The following KIAA1671 variants were observed in gnomAD, a reference collection of about 807,000 sequenced individuals.
The protein encoded by KIAA1671 is KIAA1671, also known as uncharacterized protein KIAA1671.
KIAA1671 carries 52 observed loss-of-function variants against 131.2 expected under a neutral mutation model. The observed-to-expected ratio is 0.40, with a 90% CI of 0.32 to 0.50. KIAA1671 has a LOEUF of 0.50. Among genes scored for constraint, KIAA1671 ranks in the 20% least tolerant of loss-of-function variants. The probability of loss-of-function intolerance (pLI) is 0.73; values close to 1 mark genes in which losing one functional copy is unlikely to be tolerated. For missense variants in KIAA1671, 2,360 were observed against 2,364.2 expected (o/e 1.00, Z 0.04); for synonymous variants, 1,003 against 961.6 (o/e 1.04, Z -0.80).
chr22:24,955,272 T>C (rs1921634073), intron 1 of KIAA1671, among the ~76,000 whole-genome samples: 2 of 152,206 alleles, frequency 1.3e-5, no homozygotes, highest in South Asian at 4.1e-4. Flanking sequence ...AGACACTGTG[T>C]CAAAGATGAG....
chr22:25,021,519 G>A (rs1343720773), intron 1 of KIAA1671, among the ~76,000 whole-genome samples: 1 of 149,156 alleles, frequency 6.7e-6, no homozygotes, highest in Non-Finnish European at 1.5e-5. Flanking sequence ...CCATTCCATG[G>A]GAACAGGGTT....
At chr22:25,070,481 C>T in intron 6 of KIAA1671, 1 of 422,828 alleles carries the variant, frequency 2.4e-6, no homozygotes, top group Non-Finnish European at 4.4e-6. Context: ...CCTCCTGCTT[C>T]CTGTCAACTT....
intron 4 of KIAA1671, among the ~76,000 whole-genome samples, chr22:25,037,599 A>G (rs1027228883): frequency 5.3e-5 from 8 of 152,134 alleles, no homozygotes; most frequent in South Asian, 2.1e-4. Context: ...CATCACCACT[A>G]TCTAGTTCCA....
intron 11 of KIAA1671, among the ~76,000 whole-genome samples, chr22:25,187,471 G>C (rs1036087845): frequency 7.4e-6 from 1 of 135,086 alleles, no homozygotes; most frequent in Non-Finnish European, 1.7e-5. Context: ...CTTCATAAAC[G>C]TGATTTTTTT....
intron 1 of KIAA1671, among the ~76,000 whole-genome samples, chr22:24,976,361 A>G (rs980613797): frequency 6.6e-6 from 1 of 152,250 alleles, no homozygotes; most frequent in Non-Finnish European, 1.5e-5. Context: ...AAGGTCATTC[A>G]GCCAGCCAGG....
chr22:25,062,944 C>A (rs912552953), intron 6 of KIAA1671: 1 of 151,808 alleles, frequency 6.6e-6, no homozygotes, highest in Non-Finnish European at 1.5e-5. Flanking sequence ...TCAGAGATGC[C>A]TTTTTTTGGG....
chr22:25,133,847 C>T (rs1359511922), intron 6 of KIAA1671, among the ~76,000 whole-genome samples: 2 of 152,160 alleles, frequency 1.3e-5, no homozygotes, highest in South Asian at 4.1e-4. Context: ...CGCATCCTGC[C>T]CCTCCTTGAT....
intron 1 of KIAA1671, among the ~76,000 whole-genome samples, chr22:25,007,848 C>T (rs1924832064): frequency 1.3e-5 from 2 of 151,954 alleles, no homozygotes; most frequent in Admixed American, 1.3e-4. Context: ...ATGGGGTAGC[C>T]CTGCTCTGCA....
intron 1 of KIAA1671, among the ~76,000 whole-genome samples, chr22:25,002,876 A>G (rs1186193049): frequency 6.6e-6 from 1 of 151,528 alleles, no homozygotes; most frequent in Admixed American, 6.6e-5. Context: ...TCTTCCTGGG[A>G]TCAAACAATT....
At chr22:25,111,517 G>A (rs536986978) in intron 6 of KIAA1671, among the ~76,000 whole-genome samples, 70 of 152,364 alleles carry the variant, frequency 4.6e-4, no homozygotes, top group African/African-American at 1.6e-3. Flanking sequence ...TCAGCCAGGG[G>A]ACCCGGGGGC....
At chr22:25,154,254 A>G (rs1051690011) in intron 6 of KIAA1671, among the ~76,000 whole-genome samples, 7 of 149,790 alleles carry the variant, frequency 4.7e-5, no homozygotes, top group Non-Finnish European at 8.8e-5. Context: ...GCTGCCTTCA[A>G]CGGCCCTAGT....
At chr22:25,159,206 G>T (rs1052708720) in intron 6 of KIAA1671, among the ~76,000 whole-genome samples, 1 of 152,158 alleles carries the variant, frequency 6.6e-6, no homozygotes, top group Non-Finnish European at 1.5e-5. Flanking sequence ...AACCAAATAC[G>T]CCTCCTGCAG....
intron 6 of KIAA1671, among the ~76,000 whole-genome samples, chr22:25,157,723 A>G (rs1933290953): frequency 6.6e-6 from 1 of 151,448 alleles, no homozygotes; most frequent in South Asian, 2.1e-4. Context: ...CTTCTCCCTC[A>G]GGATCAGTCT....
intron 6 of KIAA1671, among the ~76,000 whole-genome samples, chr22:25,092,751 G>A (rs528304198): frequency 6.6e-6 from 1 of 152,182 alleles, no homozygotes; most frequent in Non-Finnish European, 1.5e-5. Flanking sequence ...TGTCTGGCCC[G>A]AATAACAGGC....
intron 6 of KIAA1671, among the ~76,000 whole-genome samples, chr22:25,089,234 G>A (rs1288291976): frequency 6.7e-6 from 1 of 149,992 alleles, no homozygotes; most frequent in Non-Finnish European, 1.5e-5. Flanking sequence ...ATCCCCCACA[G>A]ATACCAAGGG....
intron 4 of KIAA1671, among the ~76,000 whole-genome samples, chr22:25,035,215 T>C (rs1461629104): frequency 2.0e-5 from 3 of 151,852 alleles, no homozygotes; most frequent in African/African-American, 7.3e-5. Context: ...CCACTTAATT[T>C]TTTGTATTTT....
rs377292242 is a variant in KIAA1671, at chr22:24,978,676, CTTTTGTTTTG to C, written c.-208+25925_-208+25934del. 2.7e-3 allele frequency among the ~76,000 whole-genome samples: 417 copies of C among 152,006 alleles called. 1 individual carries two copies. The highest frequency in any genetic ancestry group is 9.3e-3 in the African/African-American group (387 of 41,494). On this transcript the variant is annotated intron_variant, in intron 1 of 12. Transcript: ENST00000358431. ...TATGGATACAGTTTACCATCTTAATCTTTTGTTTTGTTTTGTTTTGTTTTGTTTTGAGAGT... is the reference window on the plus strand; with the variant it reads ...TATGGATACAGTTTACCATCTTAATCTTTTGTTTTGTTTTGTTTTGAGAGT...
chr22:25,032,864 T>C (rs1926369087), intron 4 of KIAA1671, among the ~76,000 whole-genome samples, 168 bp downstream of exon 4: 1 of 152,202 alleles, frequency 6.6e-6, no homozygotes, highest in Non-Finnish European at 1.5e-5. Flanking sequence ...CCTTTTGGCA[T>C]GAAGAGTTGT....
At chr22:25,103,165 GC>G (rs914927224) in intron 6 of KIAA1671, among the ~76,000 whole-genome samples, 27 of 151,588 alleles carry the variant, frequency 1.8e-4, no homozygotes, top group Non-Finnish European at 3.4e-4. Flanking sequence ...AAGTCCCAGA[GC>G]CCTCTTGCCA....
Sources: gnomAD v4.1 joint callset for allele counts (sites outside exome capture counted in the v4.1 genomes callset) on GRCh38, gnomAD v4.1.1 for gene constraint, MANE v1.5 for transcripts, NCBI Gene and HGNC (gene_info 2026-07-23, HGNC 2026-07-21) for gene names.